Variants in PREP observed in about 807,000 individuals in gnomAD.
The protein encoded by PREP is dJ355L5.1 (prolyl endopeptidase).
Under a neutral mutation model 87.6 loss-of-function variants are expected in PREP, and 29 were observed. That is an observed-to-expected ratio of 0.33 (90% CI 0.25 to 0.45). PREP has a LOEUF of 0.45. PREP is among the 20% of genes least tolerant of loss of function. PREP has a pLI of 1.00. For missense variants in PREP, 695 were observed against 886.5 expected, an observed-to-expected ratio of 0.78 and a Z score of 2.74; for synonymous variants, 337 against 328.6, an observed-to-expected ratio of 1.03 and a Z score of -0.28.
intron 2 of PREP, among the ~76,000 whole-genome samples, chr6:105,397,046 G>A (rs538233663): frequency 1.2e-4 from 18 of 152,142 alleles, no homozygotes; most frequent in Admixed American, 2.0e-4. Flanking sequence ...CTAGCCGGGT[G>A]TGGTGGCACA....
chr6:105,342,112 G>C lies in PREP; in HGVS notation c.824-8607C>G, dbSNP rs988561748. ...AGAATTTTAGACCAATATCCCTGAT[G>C]AACATCGATGCAAAAATCCTCAATG... is the stretch of plus-strand genomic sequence containing the variant. On this transcript the variant is annotated intron_variant, in intron 7 of 14. Transcript: ENST00000652536. Among the ~76,000 whole-genome samples the C allele has an allele frequency of 6.6e-5, 10 of 152,210 alleles. 1 individual carries two copies. The highest frequency in any genetic ancestry group is 1.2e-4 in the Non-Finnish European group (8 of 68,040).
At chr6:105,374,633 T>C (rs1259858316) in intron 4 of PREP, among the ~76,000 whole-genome samples, 5 of 160 alleles carry the variant, frequency 0.031, no homozygotes, top group Non-Finnish European at 0.1. Context: ...TTGAATTGTT[T>C]ATATATATAT....
chr6:105,316,624 G>A (rs772046621), intron 10 of PREP, among the ~76,000 whole-genome samples: 2 of 152,076 alleles, frequency 1.3e-5, no homozygotes, highest in Non-Finnish European at 2.9e-5. Flanking sequence ...AAAATAAAAC[G>A]AGTTATGCCT....
chr6:105,333,739 C>T (rs1045918067), intron 7 of PREP, among the ~76,000 whole-genome samples: 5 of 152,116 alleles, frequency 3.3e-5, no homozygotes, highest in Admixed American at 6.5e-5. Flanking sequence ...CTTCCCGGCC[C>T]ATCACCCCCA....
At chr6:105,370,511 C>G (rs531482561) in intron 5 of PREP, among the ~76,000 whole-genome samples, 1 of 152,110 alleles carries the variant, frequency 6.6e-6, no homozygotes, top group African/African-American at 2.4e-5. Flanking sequence ...CACATGATCC[C>G]ACAGTCATGC....
intron 2 of PREP, among the ~76,000 whole-genome samples, chr6:105,388,184 TA>T (rs35802009): frequency 0.3 from 45,255 of 151,954 alleles, 8,783 homozygotes; most frequent in African/African-American, 0.56. Flanking sequence ...TCTCTTCTCT[TA>T]ACTGCTGCAA....
At chr6:105,367,413 G>A (rs1016797005) in intron 6 of PREP, among the ~76,000 whole-genome samples, 5 of 152,124 alleles carry the variant, frequency 3.3e-5, no homozygotes, top group African/African-American at 1.2e-4. Context: ...GAAAGAAAAG[G>A]CATGAAAAAC....
At chr6:105,370,902 T>C (rs1035820916) in intron 5 of PREP, among the ~76,000 whole-genome samples, 1 of 152,214 alleles carries the variant, frequency 6.6e-6, no homozygotes, top group African/African-American at 2.4e-5. Flanking sequence ...AAAGGATTTT[T>C]AGGGCCAGGG....
intron 2 of PREP, among the ~76,000 whole-genome samples, chr6:105,396,059 C>T (rs1773279085): frequency 6.6e-6 from 1 of 152,206 alleles, no homozygotes; most frequent in Admixed American, 6.5e-5. Context: ...ACCTGCAGAG[C>T]TACAGCCTTC....
chr6:105,358,379 T>A (rs1754338869), intron 6 of PREP, among the ~76,000 whole-genome samples: 1 of 152,172 alleles, frequency 6.6e-6, no homozygotes, highest in African/African-American at 2.4e-5. Flanking sequence ...ACCTGTTGAA[T>A]TATATTTAGA....
In PREP at chr6:105,341,404, G is replaced by A. The variant is rs564149070; in HGVS notation, c.824-7899C>T. Among the ~76,000 whole-genome samples the A allele has an allele frequency of 2.6e-5, 4 of 152,114 alleles. No individual in the cohort carries two copies. In the East Asian group the frequency reaches 7.7e-4, roughly 29 times the overall value. On this transcript the variant is annotated intron_variant, in intron 7 of 14. Coordinates refer to ENST00000652536, the MANE Select transcript of PREP (RefSeq NM_002726.5). ...TTTAAAGCAGTGTTTAGAGGGAAAT[G>A]TACAGCACTAAATGCCCACAAGAGA...
intron 6 of PREP, among the ~76,000 whole-genome samples, chr6:105,354,116 T>C (rs1307932885): frequency 2.0e-5 from 3 of 152,228 alleles, no homozygotes; most frequent in Non-Finnish European, 4.4e-5. Flanking sequence ...TGTTGATATG[T>C]GTAAATCTAG....
At position 105,278,577 on chromosome 6, in the gene PREP, A is replaced by G; in HGVS notation, c.1839-139T>C. 1.1e-6 allele frequency: 1 copy of G among 889,776 alleles called. No individual in the cohort carries two copies. The highest frequency in any genetic ancestry group is 2.7e-5 in the East Asian group (1 of 37,646). 55.1% of individuals were successfully genotyped at this position (889,776 alleles called of 1,614,324 possible). ...CCACCATGGACTGTGCCTATGCGTTACCATTTAGGCCATGACTGGCAAGGG... is the reference window on the plus strand; with the variant it reads ...CCACCATGGACTGTGCCTATGCGTTGCCATTTAGGCCATGACTGGCAAGGG... On this transcript the variant is annotated intron_variant, in intron 14 of 14. Coordinates refer to ENST00000652536, the MANE Select transcript of PREP (RefSeq NM_002726.5). This position sits in a 1 kb window ranked among gnomAD's most constrained non-coding sequence, Gnocchi z 4.2.
At chr6:105,322,299 T>C (rs14289) in intron 10 of PREP, 49 of 918,656 alleles carry the variant, frequency 5.3e-5, no homozygotes, top group African/African-American at 1.8e-4. Flanking sequence ...CTAACGTTGA[T>C]TGAAAAAAAT....
At chr6:105,383,913 C>A (rs1003251041) in intron 2 of PREP, among the ~76,000 whole-genome samples, 6 of 152,004 alleles carry the variant, frequency 3.9e-5, no homozygotes, top group African/African-American at 1.5e-4. Flanking sequence ...AATATCTGAT[C>A]GTGAGGACAT....
intron 7 of PREP, among the ~76,000 whole-genome samples, chr6:105,346,562 T>C (rs1771803505): frequency 6.6e-6 from 1 of 152,216 alleles, no homozygotes; most frequent in African/African-American, 2.4e-5. Flanking sequence ...TTAGTGAAAG[T>C]CTGGGCAAAT....
intron 10 of PREP, chr6:105,322,918 CTCA>C: frequency 8.2e-7 from 1 of 1,212,782 alleles, no homozygotes; most frequent in Non-Finnish European, 1.1e-6. Context: ...GCTCTTTATT[CTCA>C]TCTTCCTTCA....
At chr6:105,363,251 C>T (rs1345632258) in intron 6 of PREP, among the ~76,000 whole-genome samples, 2 of 152,042 alleles carry the variant, frequency 1.3e-5, no homozygotes, top group African/African-American at 2.4e-5. Context: ...TTCCTTAATC[C>T]TTTCTAAAGG....
At position 105,278,290 on chromosome 6, in the gene PREP, T is replaced by C. The variant is rs1489212760; in HGVS notation, c.1987A>G (p.Ser663Gly). Residue 663 changes from serine (S) to glycine (G), a missense_variant, in exon 15 of 15, where the codon AGC (serine) becomes GGC (glycine). By Grantham distance (56) the Ser-to-Gly change is moderately conservative (BLOSUM62 0). This residue lies in a region of PREP where 121 missense variants were observed against 154.8 expected (regional missense o/e 0.78). Coordinates refer to ENST00000652536, the MANE Select transcript of PREP (RefSeq NM_002726.5). The surrounding 1 kb of genome is among the most constrained non-coding windows in gnomAD (Gnocchi z 4.2). The part of the protein sequence containing the change: ...IATLQYIVGR[S>G]RKQSNPLLIH... ...AGCAGGGGGTTGCTTTGCTTCCTGC[T>C]GCGGCCCACGATGTACTGAAGGGTG... 2 of 1,614,212 alleles carry C rather than the reference T, an allele frequency of 1.2e-6. No homozygotes were observed. The highest frequency in any genetic ancestry group is 1.1e-5 in the South Asian group (1 of 91,086).
Sources: allele counts gnomAD v4.1 joint callset (sites outside exome capture counted in the v4.1 genomes callset), GRCh38; gene constraint gnomAD v4.1.1; regional missense constraint gnomAD v4.1.1; non-coding constraint Gnocchi (gnomAD v3.1); transcripts MANE v1.5; gene names NCBI Gene and HGNC (gene_info 2026-07-23, HGNC 2026-07-21).